The following RHOBTB2 variants were observed in gnomAD, a reference collection of about 807,000 sequenced individuals.
The protein encoded by RHOBTB2 is rho-related BTB domain-containing protein 2.
A neutral mutation model predicts 66.5 loss-of-function variants in RHOBTB2; 39 were observed. The ratio of observed to expected loss-of-function variants is 0.59; its 90% CI spans 0.45 to 0.77. The LOEUF (loss-of-function observed/expected upper bound fraction) is 0.77. Among genes scored for constraint, RHOBTB2 ranks in the 30% least tolerant of loss-of-function variants. The probability of loss-of-function intolerance (pLI) is 0.00; values close to 1 mark genes in which losing one functional copy is unlikely to be tolerated. For synonymous variants in RHOBTB2, 390 were observed against 395.0 expected, an observed-to-expected ratio of 0.99 and a Z score of 0.15; for missense variants, 755 against 999.1, an observed-to-expected ratio of 0.76 and a Z score of 3.29.
intron 7 of RHOBTB2, among the ~76,000 whole-genome samples, chr8:23,012,952 C>T (rs1395668070): frequency 6.6e-6 from 1 of 152,160 alleles, no homozygotes; most frequent in Non-Finnish European, 1.5e-5. Context: ...TACAGGCATA[C>T]ACCACCACAC....
At chr8:22,980,492 T>A in the RHOBTB2 span, among the ~76,000 whole-genome samples, 1 of 152,240 alleles carries the variant, frequency 6.6e-6, no homozygotes. Context: ...TAAATTTAAA[T>A]CCTTCAGATT....
chr8:22,977,774 C>T, the RHOBTB2 span: 4 of 152,040 alleles, frequency 2.6e-5, no homozygotes, highest in Non-Finnish European at 5.9e-5. Flanking sequence ...TGATTATCAA[C>T]TGGGTACTAG....
chr8:22,977,347 A>C, the RHOBTB2 span, among the ~76,000 whole-genome samples: 2 of 152,078 alleles, frequency 1.3e-5, no homozygotes, highest in Non-Finnish European at 2.9e-5. Flanking sequence ...TGGGAGGGTA[A>C]GGCAGGTGGA....
At chr8:23,002,891 T>G (rs1810827234) in intron 1 of RHOBTB2, among the ~76,000 whole-genome samples, 1 of 152,190 alleles carries the variant, frequency 6.6e-6, no homozygotes, top group Non-Finnish European at 1.5e-5. Context: ...GTTGCTGAGA[T>G]GCATCCACTC....
Position 23,000,140 on chromosome 8 carries a change from G to A in RHOBTB2, c.-11+35G>A, listed in dbSNP as rs1249925582. 6 of 985,172 alleles carry A rather than the reference G, an allele frequency of 6.1e-6. No homozygotes were observed. In the African/African-American group the frequency reaches 1.0e-4, roughly 17 times the overall value. 61.0% of individuals were successfully genotyped at this position (985,172 alleles called of 1,614,324 possible). On this transcript the variant is annotated intron_variant, in intron 1 of 9. Transcript: ENST00000251822. ...TGGCTGCTTGCGGTTATGGCGGGGT[G>A]GCCAGCAGCCCTTGCAGACGCGCCG...
At chr8:22,958,914 C>T in the RHOBTB2 span, among the ~76,000 whole-genome samples, 1 of 150,212 alleles carries the variant, frequency 6.7e-6, no homozygotes, top group South Asian at 2.1e-4. Flanking sequence ...CACACAAACA[C>T]AGTGGCCACA....
rs1331457758 is a variant in RHOBTB2 at position 23,006,852 on chromosome 8, G to A, written c.607G>A (p.Ala203Thr). The change falls in exon 5 of 10, where the codon GCC becomes ACC. Residue 203 changes from alanine to threonine, a missense_variant. By Grantham distance (58) the Ala-to-Thr change is moderately conservative (BLOSUM62 0). This residue lies in a region of RHOBTB2 where 35 missense variants were observed against 38.1 expected (regional missense o/e 0.92). Transcript: ENST00000251822. The surrounding 1 kb of genome is among the most constrained non-coding windows in gnomAD (Gnocchi z 6.1). ...CGGCATCAAGGACGTCTTTGACAAC[G>A]CCATCCGAGCTGCACTCATCTCCCG... Reference protein sequence around the residue: ...QFGIKDVFDNAIRAALISRRH... With the variant: ...QFGIKDVFDNTIRAALISRRH... The A allele has an allele frequency of 4.3e-6, 7 of 1,613,946 alleles. No homozygotes were observed. The highest frequency in any genetic ancestry group is 8.5e-7 in the Non-Finnish European group (1 of 1,180,022).
the RHOBTB2 span, among the ~76,000 whole-genome samples, chr8:22,980,654 C>T: frequency 6.6e-6 from 1 of 152,132 alleles, no homozygotes. Context: ...TTCATTTAAT[C>T]GGGGCAATTT....
intron 7 of RHOBTB2, among the ~76,000 whole-genome samples, chr8:23,014,078 T>G (rs1375953035): frequency 6.6e-6 from 1 of 152,230 alleles, no homozygotes; most frequent in Non-Finnish European, 1.5e-5. Flanking sequence ...CTCATTGTAC[T>G]GGGATGACTG....
In RHOBTB2 at chr8:23,006,150, G is replaced by A. The variant is rs750005711; in HGVS notation, c.482+5G>A. 5.0e-6 allele frequency: 8 copies of A among 1,609,734 alleles called. No individual in the cohort carries two copies. Among genetic ancestry groups the A allele is most frequent in the Non-Finnish European group, 6.8e-6 (8 of 1,177,818 alleles). On this transcript the variant is annotated splice_donor_5th_base_variant and intron_variant, in intron 4 of 9. Transcript: ENST00000251822. This position sits in a 1 kb window ranked among gnomAD's most constrained non-coding sequence, Gnocchi z 6.1. The stretch of plus-strand genomic sequence containing the variant: ...GGCTAGGCGACCCTTGGCTAGGTAG[G>A]AGGTGCTGGTACCAAGGAGACAGAC...
the RHOBTB2 span, among the ~76,000 whole-genome samples, chr8:22,962,338 A>G: frequency 1.3e-5 from 2 of 151,354 alleles, no homozygotes; most frequent in Non-Finnish European, 2.9e-5. Flanking sequence ...ATTATTTCAA[A>G]TATGGGATAT....
chr8:23,016,407 A>G (rs920653982), intron 9 of RHOBTB2, among the ~76,000 whole-genome samples: 7 of 152,138 alleles, frequency 4.6e-5, no homozygotes, highest in South Asian at 2.1e-4. Flanking sequence ...TTTTAAAAAA[A>G]AATTATTTAT....
At chr8:22,984,348 C>T (rs546798904), upstream of RHOBTB2, among the ~76,000 whole-genome samples, 1 of 152,296 alleles carries the variant, frequency 6.6e-6, no homozygotes, top group Admixed American at 6.5e-5. Flanking sequence ...GAAGTCACCA[C>T]ACAGGTGCAG....
At chr8:23,015,768 A>T (rs771316403) in intron 9 of RHOBTB2, 25 bp downstream of exon 9, 1 of 1,506,712 alleles carries the variant, frequency 6.6e-7, no homozygotes, top group South Asian at 1.1e-5. Flanking sequence ...CAGTCCTGGC[A>T]GTACCTGCTG....
rs1301744919 is a variant in RHOBTB2, at chr8:23,017,319, C to G, written c.2034C>G (p.Tyr678Ter). ...GGTACCTGAAGGAGGAAGATCATTA[C>G]CAGCGGGCACGGAAGGAGCGTGAGA... is the stretch of plus-strand genomic sequence containing the variant. ...PVWYLKEEDHYQRARKEREKE... is the reference protein window; with the variant it reads ...PVWYLKEEDH The change falls in exon 10 of 10, where the codon TAC becomes TAG. Residue 678 changes from tyrosine to a stop codon, truncating the protein, a stop_gained. Transcript: ENST00000251822. LOFTEE classifies it high-confidence loss of function. The surrounding 1 kb of genome is among the most constrained non-coding windows in gnomAD (Gnocchi z 5.3). The G allele has an allele frequency of 1.9e-6, 3 of 1,614,092 alleles. No individual in the cohort carries two copies. The highest frequency in any genetic ancestry group is 2.5e-6 in the Non-Finnish European group (3 of 1,180,044).
chr8:23,004,661 G>A lies in RHOBTB2; in HGVS notation c.192+35G>A, dbSNP rs200508130. ...CAGGACTACCTGGCTGGGGGTCCAC[G>A]CCATGAGTCTGGGCTTGGGGGCTTC... On this transcript the variant is annotated intron_variant, in intron 2 of 9. Transcript: ENST00000251822. This position sits in a 1 kb window ranked among gnomAD's most constrained non-coding sequence, Gnocchi z 6.4. 9.5e-5 allele frequency: 150 copies of A among 1,581,256 alleles called. No individual in the cohort carries two copies. Among genetic ancestry groups the A allele is most frequent in the Middle Eastern group, 1.7e-4 (1 of 5,876 alleles).
chr8:23,000,997 AG>A (rs1413852319), intron 1 of RHOBTB2, among the ~76,000 whole-genome samples: 1 of 42,012 alleles, frequency 2.4e-5, no homozygotes, highest in Admixed American at 3.3e-4. Context: ...GAGTGTGTGT[AG>A]GGGTGTGGGG....
chr8:22,952,161 C>T, the RHOBTB2 span, among the ~76,000 whole-genome samples: 1 of 152,188 alleles, frequency 6.6e-6, no homozygotes, highest in Non-Finnish European at 1.5e-5. Flanking sequence ...GGAGAGACAA[C>T]AGTCAATTTG....
the RHOBTB2 span, among the ~76,000 whole-genome samples, chr8:22,961,930 A>G: frequency 6.6e-6 from 1 of 152,190 alleles, no homozygotes; most frequent in Non-Finnish European, 1.5e-5. Context: ...AATAAATTGC[A>G]TAATACTATG....
Sources: allele counts gnomAD v4.1 joint callset (sites outside exome capture counted in the v4.1 genomes callset), GRCh38; gene constraint gnomAD v4.1.1; regional missense constraint gnomAD v4.1.1; non-coding constraint Gnocchi (gnomAD v3.1); transcripts MANE v1.5; gene names NCBI Gene and HGNC (gene_info 2026-07-23, HGNC 2026-07-21).